The following AKAP8 variants were observed in gnomAD, a reference collection of about 807,000 sequenced individuals.
The protein encoded by AKAP8 is A-kinase anchor protein 8.
Under a neutral mutation model 67.5 loss-of-function variants are expected in AKAP8, and 24 were observed. That is an observed-to-expected ratio of 0.36 (90% confidence interval 0.26 to 0.50). The LOEUF (loss-of-function observed/expected upper bound fraction) is 0.50, where lower values mean the gene tolerates loss of function less well. Ranked by LOEUF, AKAP8 falls within the 20% of genes least tolerant of loss-of-function variation. The pLI is 0.97. For synonymous variants in AKAP8, 400 were observed against 371.1 expected, an observed-to-expected ratio of 1.08 and a Z score of -0.90; for missense variants, 971 against 955.9, an observed-to-expected ratio of 1.02 and a Z score of -0.21.
intron 13 of AKAP8, among the ~76,000 whole-genome samples, chr19:15,358,381 G>A (rs1007521149): frequency 1.7e-4 from 26 of 150,998 alleles, no homozygotes; most frequent in African/African-American, 5.6e-4. Flanking sequence ...TTGAAATGGG[G>A]TCTCACTCTG....
chr19:15,379,390 C>G (rs1255604241), intron 1 of AKAP8: 1 of 348,530 alleles, frequency 2.9e-6, no homozygotes, highest in Non-Finnish European at 5.2e-6. Flanking sequence ...CGCTGGGGGC[C>G]GGAAGGACTC....
intron 9 of AKAP8, among the ~76,000 whole-genome samples, chr19:15,362,971 G>A (rs1361063254): frequency 4.6e-5 from 7 of 151,104 alleles, no homozygotes; most frequent in African/African-American, 7.3e-5. Context: ...CTGCCCAGCC[G>A]CCCATTGTCT....
At chr19:15,377,892 G>A (rs977943874) in intron 1 of AKAP8, among the ~76,000 whole-genome samples, 1 of 152,174 alleles carries the variant, frequency 6.6e-6, no homozygotes, top group African/African-American at 2.4e-5. Context: ...TATGGCATCT[G>A]TCTGGTCCCT....
rs781732926 is a variant in AKAP8 at position 15,373,037 on chromosome 19, G to A, written c.675C>T (p.Asn225=). The A allele has an allele frequency of 1.9e-5, 30 of 1,597,420 alleles. No homozygotes were observed. Among genetic ancestry groups the A allele is most frequent in the South Asian group, 3.3e-5 (3 of 89,610 alleles). The change falls in exon 5 of 14, where the codon AAC becomes AAT. Residue 225 remains asparagine (N), a synonymous_variant. Coordinates refer to ENST00000269701, the MANE Select transcript of AKAP8 (RefSeq NM_005858.4). ...CCCGTCCACCCACGTAGTTCAGCTCGTTCCAGGGCGTGGACAGGGGCTCAG... is the reference window on the plus strand; with the variant it reads ...CCCGTCCACCCACGTAGTTCAGCTCATTCCAGGGCGTGGACAGGGGCTCAG... ...ASSEPLSTPW[N]ELNYVGGRGL... is the part of the protein sequence containing the mutation.
At position 15,354,294 on chromosome 19, in the gene AKAP8, GCA is replaced by G. The variant is rs1173906271; in HGVS notation, c.*619_*620del. 3.3e-5 allele frequency: 5 copies of G among 153,626 alleles called. No homozygotes were observed. The highest frequency in any genetic ancestry group is 2.6e-4 in the Admixed American group (4 of 15,578). The allele number at this position is 153,626 out of a possible 1,614,324, so 9.5% of individuals were successfully genotyped here. A position where few individuals can be genotyped will look rare whatever the true frequency, so the allele number is the denominator to read the frequency against. On this transcript the variant is annotated 3_prime_UTR_variant, in exon 14 of 14. Transcript: ENST00000269701. ...TAAAGATTGGGACGCAATGCCCTCT[GCA>G]CAGTCTGGTTCTTGAGGTTGCGGTG...
intron 9 of AKAP8, among the ~76,000 whole-genome samples, chr19:15,364,708 C>T (rs190948555): frequency 8.3e-4 from 125 of 151,480 alleles, no homozygotes; most frequent in South Asian, 2.1e-3. Context: ...AGGCTGGTCT[C>T]GAACTCCTGA....
rs1449716389 is a variant in AKAP8, at chr19:15,375,713, T to G, written c.59-1078A>C. Among the ~76,000 whole-genome samples, 5 of 150,866 alleles carry G rather than the reference T, an allele frequency of 3.3e-5. No individual in the cohort carries two copies. In the East Asian group the frequency reaches 9.8e-4, roughly 30 times the overall value. On this transcript the variant is annotated intron_variant, in intron 2 of 13. Coordinates refer to ENST00000269701, the MANE Select transcript of AKAP8 (RefSeq NM_005858.4). ...GTGCAGTGGCGCGATCTCGGCTCAC[T>G]GCAAGCTCCACCTCCTGGGTTCACG...
intron 2 of AKAP8, among the ~76,000 whole-genome samples, chr19:15,375,249 C>T (rs1046826635): frequency 1.3e-5 from 2 of 152,116 alleles, no homozygotes. Flanking sequence ...TGCACTGGTT[C>T]GCCACACAAG....
chr19:15,374,633 C>A lies in AKAP8; in HGVS notation c.61G>T (p.Ala21Ser). The change falls in exon 3 of 14, where the codon GCA (alanine) becomes TCA (serine). Residue 21 changes from alanine to serine, a missense_variant and splice_region_variant. Ala to Ser is a moderately conservative substitution (Grantham distance 99). Around this residue, in one of 3 missense-constraint regions of AKAP8, gnomAD observed 763 missense variants for 745.4 expected, o/e 1.02. Transcript: ENST00000269701. ...CAGCTGGCCACACCAGTTCCATATG[C>A]ACCTTAGGGGAAACAGAAACACACA... ...WSAGPANTQG[A>S]YGTGVASWQG... is the part of the protein sequence containing the mutation. 1 of 1,612,770 alleles carries A rather than the reference C, an allele frequency of 6.2e-7. No homozygotes were observed. The highest frequency in any genetic ancestry group is 1.1e-5 in the South Asian group (1 of 91,030).
intron 13 of AKAP8, among the ~76,000 whole-genome samples, chr19:15,356,472 T>G (rs983589005): frequency 6.6e-6 from 1 of 151,318 alleles, no homozygotes; most frequent in South Asian, 2.1e-4. Flanking sequence ...CTACGTAATA[T>G]TTTAGTTTCA....
In AKAP8 at chr19:15,361,833, T is replaced by C. The variant is rs1399767205; in HGVS notation, c.1303-11A>G. On this transcript the variant is annotated splice_polypyrimidine_tract_variant and intron_variant, in intron 10 of 13. Coordinates refer to ENST00000269701, the MANE Select transcript of AKAP8 (RefSeq NM_005858.4). ...GTTTACAATGTATTCCTAGGTGGGA[T>C]TGGAGAGGGCATAAAGTAAAATGAG... 3.1e-6 allele frequency: 5 copies of C among 1,607,710 alleles called. No individual in the cohort carries two copies. The highest frequency in any genetic ancestry group is 2.7e-5 in the African/African-American group (2 of 74,752).
intron 11 of AKAP8, chr19:15,361,363 T>C (rs1246274394): frequency 4.6e-6 from 1 of 215,202 alleles, no homozygotes; most frequent in African/African-American, 2.4e-5. Flanking sequence ...TTTTTTTTTT[T>C]TTTTTGAGAC....
chr19:15,375,644 T>TG lies in AKAP8; in HGVS notation c.59-1010_59-1009insC, dbSNP rs1238543594. Among the ~76,000 whole-genome samples, 6 of 150,466 alleles carry TG rather than the reference T, an allele frequency of 4.0e-5. No homozygotes were observed. The East Asian group carries it at 9.7e-4, about 24-fold the overall frequency. ...CACCAATGCAAGATTTTTTTTTTGT[T>TG]TTTTTTTTTTGAGATGGAGTCTCGC... On this transcript the variant is annotated intron_variant, in intron 2 of 13. Transcript: ENST00000269701.
At chr19:15,375,889 C>T (rs1363417904) in intron 2 of AKAP8, among the ~76,000 whole-genome samples, 8 of 151,896 alleles carry the variant, frequency 5.3e-5, no homozygotes, top group Non-Finnish European at 8.8e-5. Context: ...CTGCCCGCCT[C>T]GGCCTCCCAA....
chr19:15,373,992 T>C lies in AKAP8; in HGVS notation c.165A>G (p.Pro55=), dbSNP rs1056396062. ...TGGCCTTGGCGGCCTCCCACGAGGCTGGGCCGTAGCTGTAGGTTGCGCCTG... is the reference window on the plus strand; with the variant it reads ...TGGCCTTGGCGGCCTCCCACGAGGCCGGGCCGTAGCTGTAGGTTGCGCCTG... The part of the protein sequence containing the change: ...VTTGATYSYG[P]ASWEAAKAND... The change falls in exon 4 of 14, where the codon CCA becomes CCG. Residue 55 remains proline, a synonymous_variant. Coordinates refer to ENST00000269701, the MANE Select transcript of AKAP8 (RefSeq NM_005858.4). 3.1e-6 allele frequency: 5 copies of C among 1,612,716 alleles called. No homozygotes were observed. The highest frequency in any genetic ancestry group is 3.4e-6 in the Non-Finnish European group (4 of 1,179,564).
intron 8 of AKAP8, chr19:15,368,868 C>T (rs776742791): frequency 1.1e-5 from 11 of 985,112 alleles, no homozygotes; most frequent in Non-Finnish European, 1.3e-5. Context: ...TCACAAAAAC[C>T]GTCAATCTAG....
chr19:15,361,710 T>C lies in AKAP8; in HGVS notation c.1396+19A>G. 2 of 1,600,312 alleles carry C rather than the reference T, an allele frequency of 1.2e-6. No individual in the cohort carries two copies. The highest frequency in any genetic ancestry group is 1.7e-6 in the Non-Finnish European group (2 of 1,167,422). ...TTACTACCATCCAGGAAAGCACTCA[T>C]CCTGGGATGACAACTCACCTTTGAA... On this transcript the variant is annotated intron_variant, in intron 11 of 13. Coordinates refer to ENST00000269701, the MANE Select transcript of AKAP8 (RefSeq NM_005858.4).
intron 9 of AKAP8, among the ~76,000 whole-genome samples, chr19:15,364,311 G>A (rs549475567): frequency 7.0e-4 from 104 of 147,520 alleles, no homozygotes; most frequent in African/African-American, 1.9e-3. Flanking sequence ...ACAGGGGCCC[G>A]CCACCAAGCC....
Position 15,373,814 on chromosome 19 carries a change from C to T in AKAP8, c.343G>A (p.Gly115Ser), listed in dbSNP as rs770618850. 1.1e-5 allele frequency: 18 copies of T among 1,610,860 alleles called. No individual in the cohort carries two copies. The highest frequency in any genetic ancestry group is 2.2e-4 in the Middle Eastern group (1 of 4,540). ...TCCCGGTCCTGTATGCCCTCCCCAC[C>T]GCCGCCGCTCCCGCCCCTGCCTCCT... is the stretch of plus-strand genomic sequence containing the variant. The part of the protein sequence containing the change: ...KEGGRGGSGG[G>S]GEGIQDRESS... The change falls in exon 4 of 14, where the codon GGT (glycine) becomes AGT (serine). Residue 115 changes from glycine to serine, a missense_variant. Physicochemically the swap from Gly to Ser is moderately conservative, Grantham distance 56 (BLOSUM62 0). Transcript: ENST00000269701.
Sources: gnomAD v4.1 joint callset for allele counts (sites outside exome capture counted in the v4.1 genomes callset) on GRCh38, gnomAD v4.1.1 for gene constraint, gnomAD v4.1.1 regional missense constraint, MANE v1.5 for transcripts, NCBI Gene and HGNC (gene_info 2026-07-23, HGNC 2026-07-21) for gene names.